DOCK9: variants seen among roughly 807,000 people sequenced by gnomAD.
DOCK9 encodes the protein dedicator of cytokinesis 9, also known as dedicator of cytokinesis protein 9.
A neutral mutation model predicts 263.3 loss-of-function variants in DOCK9; 89 were observed. The observed-to-expected ratio is 0.34, with a 90% CI of 0.28 to 0.40. The LOEUF (loss-of-function observed/expected upper bound fraction) is 0.40, where lower values mean the gene tolerates loss of function less well. Ranked by LOEUF, DOCK9 falls within the 10% of genes least tolerant of loss-of-function variation. DOCK9 has a pLI of 1.00. For missense variants in DOCK9, 2,140 were observed against 2,603.4 expected, an observed-to-expected ratio of 0.82 and a Z score of 3.87; for synonymous variants, 976 against 973.1, an observed-to-expected ratio of 1.00 and a Z score of -0.06.
chr13:99,055,396 T>C (rs2040870399), intron 1 of DOCK9, among the ~76,000 whole-genome samples: 1 of 152,134 alleles, frequency 6.6e-6, no homozygotes, highest in African/African-American at 2.4e-5. Flanking sequence ...GAAGAGGCGA[T>C]TCTGTGTGAA....
intron 45 of DOCK9, among the ~76,000 whole-genome samples, chr13:98,816,986 T>C (rs1328209635): frequency 2.0e-5 from 3 of 152,104 alleles, no homozygotes; most frequent in African/African-American, 7.2e-5. Context: ...GATAATTTTA[T>C]GAGACATAAA....
intron 2 of DOCK9, among the ~76,000 whole-genome samples, chr13:98,934,733 C>T (rs1332930351): frequency 3.3e-5 from 5 of 152,160 alleles, no homozygotes; most frequent in East Asian, 1.9e-4. Flanking sequence ...GTCAATGCCA[C>T]GAAAGAGGTC....
chr13:98,836,313 G>T lies in DOCK9; in HGVS notation c.4314+1181C>A, dbSNP rs140771015. On this transcript the variant is annotated intron_variant, in intron 39 of 52. Transcript: ENST00000682017. The stretch of plus-strand genomic sequence containing the variant: ...TTTGAGACTGATACAGGTGTGCATG[G>T]CCAGATATTCACTTTTAAAACCTTC... Among the ~76,000 whole-genome samples, 266 of 152,214 alleles carry T rather than the reference G, an allele frequency of 1.7e-3. 1 individual carries two copies. Among genetic ancestry groups the T allele is most frequent in the African/African-American group, 6.1e-3 (253 of 41,524 alleles).
chr13:99,018,322 A>G (rs1489340741), intron 1 of DOCK9, among the ~76,000 whole-genome samples: 1 of 152,168 alleles, frequency 6.6e-6, no homozygotes, highest in Non-Finnish European at 1.5e-5. Context: ...TCACTCTTGC[A>G]TGTTCTCTTT....
intron 1 of DOCK9, among the ~76,000 whole-genome samples, chr13:98,987,487 G>C (rs555647983): frequency 6.6e-6 from 1 of 152,172 alleles, no homozygotes; most frequent in Non-Finnish European, 1.5e-5. Flanking sequence ...CCCTTCTGTC[G>C]TTTCAAAAAC....
intron 38 of DOCK9, among the ~76,000 whole-genome samples, chr13:98,842,825 G>A (rs1243174996): frequency 6.6e-6 from 1 of 152,160 alleles, no homozygotes; most frequent in Non-Finnish European, 1.5e-5. Context: ...CCATACACCT[G>A]AGTGATGGCC....
chr13:98,815,887 T>C (rs1462396666), intron 45 of DOCK9, among the ~76,000 whole-genome samples: 2 of 152,206 alleles, frequency 1.3e-5, no homozygotes, highest in South Asian at 2.1e-4. Context: ...GTGGATCAGA[T>C]TGGAGACATA....
In DOCK9 at chr13:98,886,585, T is replaced by C. The variant is rs1458066304; in HGVS notation, c.2083A>G (p.Ser695Gly). The change falls in exon 19 of 53, where the codon AGC becomes GGC. Residue 695 changes from serine (S) to glycine (G), a missense_variant. Ser to Gly is a moderately conservative substitution (Grantham distance 56). Transcript: ENST00000682017. ...TGGTGTAAAACTGCAGCAAAGGCGC[T>C]TCTTGTGAAAACTGGCCCACCAGGT... ...GRPGGPVFTR[S>G]AFAAVLHHHQ... 1 of 1,613,784 alleles carries C rather than the reference T, an allele frequency of 6.2e-7. No homozygotes were observed. The highest frequency in any genetic ancestry group is 1.3e-5 in the African/African-American group (1 of 74,920).
chr13:98,813,994 T>C (rs2091570522), intron 45 of DOCK9, among the ~76,000 whole-genome samples: 1 of 152,246 alleles, frequency 6.6e-6, no homozygotes, highest in South Asian at 2.1e-4. Context: ...AAAATGTTTA[T>C]ATCCTTCACA....
intron 32 of DOCK9, among the ~76,000 whole-genome samples, chr13:98,861,297 G>A (rs2093863291): frequency 6.6e-6 from 1 of 152,184 alleles, no homozygotes; most frequent in African/African-American, 2.4e-5. Flanking sequence ...TGAAGAGGTA[G>A]TGTAAAAATG....
At chr13:98,861,307 G>A (rs2093863641) in intron 32 of DOCK9, among the ~76,000 whole-genome samples, 1 of 152,178 alleles carries the variant, frequency 6.6e-6, no homozygotes, top group African/African-American at 2.4e-5. Flanking sequence ...GTGTAAAAAT[G>A]GGACACTGCA....
At chr13:98,980,449 C>G (rs1876918156), upstream of DOCK9, among the ~76,000 whole-genome samples, 2 of 152,252 alleles carry the variant, frequency 1.3e-5, no homozygotes, top group Admixed American at 6.5e-5. Context: ...CCAGTGTACA[C>G]ACGCTTAACC....
chr13:98,932,392 C>T (rs2054098226), intron 2 of DOCK9, among the ~76,000 whole-genome samples: 1 of 137,208 alleles, frequency 7.3e-6, no homozygotes, highest in Admixed American at 7.8e-5. Flanking sequence ...AAGACTCCAT[C>T]TCAAAAAACA....
At chr13:98,967,355 A>C (rs2059313230) in intron 1 of DOCK9, among the ~76,000 whole-genome samples, 1 of 152,226 alleles carries the variant, frequency 6.6e-6, no homozygotes, top group Non-Finnish European at 1.5e-5. Flanking sequence ...TACAACATAC[A>C]CACCTTGCTG....
intron 1 of DOCK9, among the ~76,000 whole-genome samples, chr13:98,998,241 C>T (rs1237905026): frequency 1.3e-5 from 2 of 152,142 alleles, no homozygotes; most frequent in Admixed American, 1.3e-4. Flanking sequence ...TCCGGGCACC[C>T]AGACACCCAC....
chr13:98,922,150 G>A lies in DOCK9; in HGVS notation c.487-4C>T, dbSNP rs2052125703. The A allele has an allele frequency of 6.3e-7, 1 of 1,583,918 alleles. No homozygotes were observed. Among genetic ancestry groups the A allele is most frequent in the Non-Finnish European group, 8.6e-7 (1 of 1,164,284 alleles). The stretch of plus-strand genomic sequence containing the variant: ...GGGAACCAAGGGAGGCAGCATCCTA[G>A]GAGAGAAGGAAAACACCAGCAGTCA... On this transcript the variant is annotated splice_region_variant and splice_polypyrimidine_tract_variant and intron_variant, in intron 5 of 52. Transcript: ENST00000682017.
At chr13:98,836,486 A>G (rs2093003709) in intron 39 of DOCK9, among the ~76,000 whole-genome samples, 3 of 152,178 alleles carry the variant, frequency 2.0e-5, no homozygotes, top group Admixed American at 1.3e-4. Flanking sequence ...GAGTGGCCCA[A>G]GGATTTCCAT....
Position 98,946,944 on chromosome 13 carries a change from T to A in DOCK9, c.243+8491A>T, listed in dbSNP as rs188567035. 3.0e-3 allele frequency among the ~76,000 whole-genome samples: 454 copies of A among 152,286 alleles called. 3 individuals are homozygous for A. Among genetic ancestry groups the A allele is most frequent in the Non-Finnish European group, 4.3e-3 (293 of 68,014 alleles). On this transcript the variant is annotated intron_variant, in intron 2 of 52. Transcript: ENST00000682017. ...TTCTGTCTCTGCTTCCCCTGCTTTTTCCTAAATGAAGGCACTAGCCCAGGC... is the reference window on the plus strand; with the variant it reads ...TTCTGTCTCTGCTTCCCCTGCTTTTACCTAAATGAAGGCACTAGCCCAGGC...
chr13:98,833,735 C>T (rs1211048814), intron 39 of DOCK9, among the ~76,000 whole-genome samples: 1 of 152,178 alleles, frequency 6.6e-6, no homozygotes, highest in Non-Finnish European at 1.5e-5. Context: ...GACCTTTTGT[C>T]CCAGACACAC....
Sources: allele counts gnomAD v4.1 joint callset (sites outside exome capture counted in the v4.1 genomes callset), GRCh38; gene constraint gnomAD v4.1.1; transcripts MANE v1.5; gene names NCBI Gene and HGNC (gene_info 2026-07-23, HGNC 2026-07-21).